Variants in ARHGEF11 observed in about 807,000 individuals in gnomAD.
The protein encoded by ARHGEF11 is Rho guanine nucleotide exchange factor 11.
A neutral mutation model predicts 193.7 loss-of-function variants in ARHGEF11; 55 were observed. The observed-to-expected ratio is 0.28, with a 90% CI of 0.23 to 0.36. ARHGEF11 has a LOEUF of 0.36. Among genes scored for constraint, ARHGEF11 ranks in the 10% least tolerant of loss-of-function variants. ARHGEF11 has a pLI of 1.00. For synonymous variants in ARHGEF11, 693 were observed against 768.0 expected, an observed-to-expected ratio of 0.90 and a Z score of 1.62; for missense variants, 1,723 against 2,005.6, an observed-to-expected ratio of 0.86 and a Z score of 2.69.
In ARHGEF11 at chr1:156,948,396, A is replaced by G; in HGVS notation, c.2028T>C (p.Asp676=). The stretch of plus-strand genomic sequence containing the variant: ...CCTCCGCAGCAGCATCCATGTCAAC[A>G]TCACTGCGAGAGCGGGGCACGTTCT... ...KAENVPRSRS[D]VDMDAAAEAT... The change falls in exon 23 of 41, where the codon GAT becomes GAC. Residue 676 remains aspartate (D), a synonymous_variant. Transcript: ENST00000368194. The surrounding 1 kb of genome is among the most constrained non-coding windows in gnomAD (Gnocchi z 4.2). 2 of 1,614,206 alleles carry G rather than the reference A, an allele frequency of 1.2e-6. No homozygotes were observed. Among genetic ancestry groups the G allele is most frequent in the Non-Finnish European group, 1.7e-6 (2 of 1,180,040 alleles).
intron 11 of ARHGEF11, among the ~76,000 whole-genome samples, chr1:156,965,100 AT>A (rs1661511252): frequency 6.6e-6 from 1 of 152,302 alleles, no homozygotes; most frequent in Non-Finnish European, 1.5e-5. Flanking sequence ...TGTTATTAAC[AT>A]TTATTACTAC....
At chr1:156,980,736 C>A (rs891929810) in intron 3 of ARHGEF11, among the ~76,000 whole-genome samples, 24 of 149,366 alleles carry the variant, frequency 1.6e-4, no homozygotes, top group African/African-American at 5.9e-4. Flanking sequence ...GATAGCCAGG[C>A]CAAGGCAGGA....
chr1:157,027,768 C>T (rs142567951), intron 1 of ARHGEF11, among the ~76,000 whole-genome samples: 1 of 152,292 alleles, frequency 6.6e-6, no homozygotes, highest in Non-Finnish European at 1.5e-5. Flanking sequence ...GTGACTGCCT[C>T]AACTAACAGA....
chr1:156,936,791 C>T, intron 40 of ARHGEF11, 25 bp downstream of exon 40: 1 of 1,602,858 alleles, frequency 6.2e-7, no homozygotes, highest in Non-Finnish European at 8.5e-7. Flanking sequence ...ATGGTAGGAA[C>T]CGAGAGGGAC....
intron 1 of ARHGEF11, among the ~76,000 whole-genome samples, chr1:157,030,448 A>C (rs1449083700): frequency 6.6e-6 from 1 of 152,166 alleles, no homozygotes; most frequent in Non-Finnish European, 1.5e-5. Flanking sequence ...TGCAAACCTC[A>C]GGTCCTAAAG....
intron 1 of ARHGEF11, among the ~76,000 whole-genome samples, chr1:156,998,618 G>T (rs982240910): frequency 1.3e-5 from 2 of 152,064 alleles, no homozygotes; most frequent in African/African-American, 4.8e-5. Context: ...TTTAAAAATG[G>T]GTGCTATTCT....
intron 22 of ARHGEF11, among the ~76,000 whole-genome samples, chr1:156,949,768 A>C (rs991675950): frequency 7.9e-5 from 12 of 152,168 alleles, no homozygotes; most frequent in Non-Finnish European, 1.5e-4. Context: ...AAGCACCCAG[A>C]AGTAAGTAAT....
chr1:156,942,995 C>T (rs941086353), intron 32 of ARHGEF11, among the ~76,000 whole-genome samples: 1 of 152,024 alleles, frequency 6.6e-6, no homozygotes, highest in Non-Finnish European at 1.5e-5. Flanking sequence ...CTTCCACAGC[C>T]ACCCCCATTC....
chr1:156,937,331 G>C lies in ARHGEF11; in HGVS notation c.4358C>G (p.Ser1453Cys). 6.2e-7 allele frequency: 1 copy of C among 1,613,862 alleles called. No individual in the cohort carries two copies. Among genetic ancestry groups the C allele is most frequent in the South Asian group, 1.1e-5 (1 of 91,042 alleles). Reference sequence around the variant, plus strand: ...GTCCCTGAGGGCCAGGCTTGGAGGAGAGCGGCTGGGGCGTCTTGGATCATC... The same window carrying C: ...GTCCCTGAGGGCCAGGCTTGGAGGACAGCGGCTGGGGCGTCTTGGATCATC... Reference protein sequence around the residue: ...GNDDPRRPSRSPPSLALRDVG... With the variant: ...GNDDPRRPSRCPPSLALRDVG... The change falls in exon 39 of 41, where the codon TCT becomes TGT. Residue 1453 changes from serine to cysteine, a missense_variant. By Grantham distance (112) the Ser-to-Cys change is moderately radical (BLOSUM62 -1). Around this residue, in one of 5 missense-constraint regions of ARHGEF11, gnomAD observed 360 missense variants for 344.4 expected, o/e 1.05. Transcript: ENST00000368194.
chr1:156,961,899 G>A (rs1290295788), intron 13 of ARHGEF11, 124 bp from the exon 14 acceptor site: 1 of 760,036 alleles, frequency 1.3e-6, no homozygotes, highest in Non-Finnish European at 2.3e-6. Flanking sequence ...CAAGTGCGGT[G>A]CTACTGGCAT....
At chr1:156,997,288 A>C (rs1666653821) in intron 1 of ARHGEF11, among the ~76,000 whole-genome samples, 2 of 152,186 alleles carry the variant, frequency 1.3e-5, no homozygotes, top group Admixed American at 1.3e-4. Context: ...CAAATACTAA[A>C]GTAACATATC....
rs201704092 is a variant in ARHGEF11 at position 156,997,030 on chromosome 1, TA to T, written c.33-10858del. Among the ~76,000 whole-genome samples the T allele has an allele frequency of 3.3e-5, 5 of 151,312 alleles. 1 individual carries two copies. The highest frequency in any genetic ancestry group is 4.2e-4 in the South Asian group (2 of 4,762). ...GTCTGCACCACTATATCTGGCTAGT[TA>T]AAAAAAATTTTTTTTTTTGTAGAGA... On this transcript the variant is annotated intron_variant, in intron 1 of 40. Coordinates refer to ENST00000368194, the MANE Select transcript of ARHGEF11 (RefSeq NM_198236.3).
chr1:156,967,862 C>G, intron 11 of ARHGEF11, 125 bp downstream of exon 11: 1 of 1,321,960 alleles, frequency 7.6e-7, no homozygotes, highest in Non-Finnish European at 1.1e-6. Context: ...GTGACTGTCT[C>G]AAAGTTTGGG....
chr1:157,046,444 CCT>C (rs10616386), upstream of ARHGEF11, among the ~76,000 whole-genome samples: 117,957 of 151,582 alleles, frequency 0.78, 46,076 homozygotes, highest in Middle Eastern at 0.91. Context: ...TGCGGCTCAC[CCT>C]CTCTCCACCT....
chr1:157,029,324 C>CA (rs1308546960), intron 1 of ARHGEF11, among the ~76,000 whole-genome samples: 1 of 151,830 alleles, frequency 6.6e-6, no homozygotes. Flanking sequence ...GGCTAGAGTA[C>CA]AATGGCGCAA....
chr1:157,028,898 G>A (rs1469714909), intron 1 of ARHGEF11, among the ~76,000 whole-genome samples: 1 of 152,138 alleles, frequency 6.6e-6, no homozygotes, highest in African/African-American at 2.4e-5. Flanking sequence ...TGGGCGTGGT[G>A]GCTCATGCCT....
intron 1 of ARHGEF11, among the ~76,000 whole-genome samples, chr1:157,004,989 T>C (rs1667649855): frequency 6.6e-6 from 1 of 152,004 alleles, no homozygotes; most frequent in South Asian, 2.1e-4. Flanking sequence ...CATAGAGAGG[T>C]CCTGCAGAAA....
intron 3 of ARHGEF11, 85 bp from the exon 4 acceptor site, chr1:156,980,571 C>T (rs1326343932): frequency 2.1e-6 from 3 of 1,426,474 alleles, no homozygotes; most frequent in Middle Eastern, 1.7e-4. Flanking sequence ...CACCTCTCCT[C>T]TGAAATTTCC....
upstream of ARHGEF11, among the ~76,000 whole-genome samples, chr1:157,045,995 C>G (rs1216294684): frequency 1.3e-5 from 2 of 151,050 alleles, no homozygotes; most frequent in East Asian, 3.9e-4. Flanking sequence ...TTCCCTGCCT[C>G]GGTTCCCGCG....
Sources: gnomAD v4.1 joint callset for allele counts (sites outside exome capture counted in the v4.1 genomes callset) on GRCh38, gnomAD v4.1.1 for gene constraint, gnomAD v4.1.1 regional missense constraint, Gnocchi (gnomAD v3.1) non-coding constraint, MANE v1.5 for transcripts, NCBI Gene and HGNC (gene_info 2026-07-23, HGNC 2026-07-21) for gene names.